APBB2: variants seen among roughly 807,000 people sequenced by gnomAD.
APBB2 encodes Fe65-like 1.
Under a neutral mutation model 82.5 loss-of-function variants are expected in APBB2, and 38 were observed. The ratio of observed to expected loss-of-function variants is 0.46; its 90% CI spans 0.36 to 0.60. The LOEUF is 0.60. Among genes scored for constraint, APBB2 ranks in the 20% least tolerant of loss-of-function variants. APBB2 has a pLI of 0.00. For missense variants in APBB2, 772 were observed against 972.3 expected, an observed-to-expected ratio of 0.79 and a Z score of 2.74; for synonymous variants, 341 against 368.2, an observed-to-expected ratio of 0.93 and a Z score of 0.85.
intron 1 of APBB2, among the ~76,000 whole-genome samples, chr4:41,208,714 G>A (rs1461593373): frequency 1.3e-5 from 2 of 152,212 alleles, no homozygotes; most frequent in African/African-American, 4.8e-5. Flanking sequence ...GGAAAAGAGA[G>A]GGTAGAACTG....
At chr4:41,190,906 C>A (rs16852900) in intron 1 of APBB2, among the ~76,000 whole-genome samples, 5 of 152,234 alleles carry the variant, frequency 3.3e-5, no homozygotes, top group Non-Finnish European at 5.9e-5. Flanking sequence ...CAACGCTGGT[C>A]TGCTGTTTCT....
intron 3 of APBB2, among the ~76,000 whole-genome samples, chr4:41,087,779 C>G (rs1224663242): frequency 6.6e-6 from 1 of 152,140 alleles, no homozygotes; most frequent in Non-Finnish European, 1.5e-5. Context: ...TTCAGGCCTA[C>G]AGTGGGACAT....
chr4:41,170,047 AC>A, intron 1 of APBB2, among the ~76,000 whole-genome samples: 1 of 152,238 alleles, frequency 6.6e-6, no homozygotes, highest in Admixed American at 6.5e-5. Flanking sequence ...AGCAGGGAAT[AC>A]CCCCTCTAAA....
At chr4:41,025,830 G>T (rs1713826353) in intron 5 of APBB2, among the ~76,000 whole-genome samples, 1 of 135,086 alleles carries the variant, frequency 7.4e-6, no homozygotes, top group African/African-American at 2.7e-5. Flanking sequence ...GATGGCCGGA[G>T]AATCTCTTGA....
At chr4:41,052,084 T>A (rs1726166873) in intron 4 of APBB2, among the ~76,000 whole-genome samples, 1 of 152,094 alleles carries the variant, frequency 6.6e-6, no homozygotes, top group South Asian at 2.1e-4. Flanking sequence ...AAATCTCACT[T>A]GGGCCAGGCA....
chr4:40,938,293 G>A (rs1043572684), intron 7 of APBB2, among the ~76,000 whole-genome samples: 1 of 152,210 alleles, frequency 6.6e-6, no homozygotes, highest in African/African-American at 2.4e-5. Context: ...AGTTCTGGGA[G>A]AGCCTTGGAG....
chr4:40,876,164 G>A (rs1283601447), intron 12 of APBB2, among the ~76,000 whole-genome samples: 1 of 152,160 alleles, frequency 6.6e-6, no homozygotes, highest in Non-Finnish European at 1.5e-5. Flanking sequence ...TCTTTGGCAT[G>A]CACTCACTGC....
At chr4:41,165,153 CAGTT>C (rs1397231040) in intron 1 of APBB2, among the ~76,000 whole-genome samples, 1 of 152,198 alleles carries the variant, frequency 6.6e-6, no homozygotes, top group Non-Finnish European at 1.5e-5. Context: ...GTGGGAGAGA[CAGTT>C]AGAATCCAAA....
chr4:40,990,941 T>C (rs1387903058), intron 6 of APBB2, among the ~76,000 whole-genome samples: 2 of 150,172 alleles, frequency 1.3e-5, no homozygotes, highest in East Asian at 3.9e-4. Context: ...TGAATGGGGG[T>C]TGGGGGCAGG....
intron 12 of APBB2, among the ~76,000 whole-genome samples, chr4:40,839,483 T>G (rs532255668): frequency 5.9e-5 from 9 of 152,214 alleles, no homozygotes; most frequent in Non-Finnish European, 1.3e-4. Context: ...TGATAACATC[T>G]TTCACATCAA....
At chr4:41,162,424 CT>C (rs1765415577) in intron 1 of APBB2, among the ~76,000 whole-genome samples, 1 of 151,690 alleles carries the variant, frequency 6.6e-6, no homozygotes, top group Admixed American at 6.6e-5. Context: ...CTGGATTTTG[CT>C]TTCTTTTTAT....
chr4:40,865,934 A>C (rs1763940764), intron 12 of APBB2, among the ~76,000 whole-genome samples: 1 of 152,228 alleles, frequency 6.6e-6, no homozygotes, highest in South Asian at 2.1e-4. Context: ...TCAAACAAAC[A>C]AACCAAAAAA....
At chr4:41,074,605 A>ATTTT (rs1457334793) in intron 3 of APBB2, among the ~76,000 whole-genome samples, 3 of 107,420 alleles carry the variant, frequency 2.8e-5, no homozygotes, top group Non-Finnish European at 6.1e-5. Context: ...TATTATTATT[A>ATTTT]TTATTTTTTT....
At chr4:41,129,602 G>A (rs1207541258) in intron 2 of APBB2, among the ~76,000 whole-genome samples, 1 of 152,148 alleles carries the variant, frequency 6.6e-6, no homozygotes, top group Non-Finnish European at 1.5e-5. Context: ...CAGGGCTTGT[G>A]TCTTTGCTTT....
chr4:41,141,033 A>ACCC (rs1758974003), intron 2 of APBB2, among the ~76,000 whole-genome samples: 1 of 152,056 alleles, frequency 6.6e-6, no homozygotes, highest in East Asian at 1.9e-4. Flanking sequence ...CATCCCTGCC[A>ACCC]CCCCACTCAC....
At chr4:40,819,499 A>G (rs916301816) in intron 17 of APBB2, among the ~76,000 whole-genome samples, 1 of 151,780 alleles carries the variant, frequency 6.6e-6, no homozygotes, top group South Asian at 2.1e-4. Flanking sequence ...TCCACTCTTT[A>G]TCTACCTCCA....
At chr4:40,988,456 T>C (rs1801003422) in intron 6 of APBB2, among the ~76,000 whole-genome samples, 1 of 151,372 alleles carries the variant, frequency 6.6e-6, no homozygotes, top group African/African-American at 2.4e-5. Context: ...GCCAAAATGG[T>C]GAAACCTTGT....
At chr4:41,128,816 G>C (rs576317442) in intron 2 of APBB2, among the ~76,000 whole-genome samples, 2 of 152,226 alleles carry the variant, frequency 1.3e-5, no homozygotes, top group South Asian at 4.1e-4. Flanking sequence ...CCAGCCTCCT[G>C]GCTTCCCAAA....
intron 10 of APBB2, among the ~76,000 whole-genome samples, chr4:40,929,665 CA>C (rs1253978000): frequency 2.0e-5 from 3 of 152,128 alleles, no homozygotes; most frequent in Non-Finnish European, 4.4e-5. Context: ...TGAATAAATA[CA>C]AATGACAAAG....
Sources: allele counts gnomAD v4.1 joint callset (sites outside exome capture counted in the v4.1 genomes callset), GRCh38; gene constraint gnomAD v4.1.1; transcripts MANE v1.5; gene names NCBI Gene and HGNC (gene_info 2026-07-23, HGNC 2026-07-21).